CNTLN: variants seen among roughly 807,000 people sequenced by gnomAD.
CNTLN encodes the protein centlein, also known as centlein, centrosomal protein.
CNTLN carries 212 observed loss-of-function variants against 180.0 expected under a neutral mutation model. The ratio of observed to expected loss-of-function variants is 1.18; its 90% CI spans 1.05 to 1.32. The LOEUF (loss-of-function observed/expected upper bound fraction) is 1.32, where lower values mean the gene tolerates loss of function less well. Among genes scored for constraint, CNTLN ranks in the 40% most tolerant of loss-of-function variants. The pLI, the probability that CNTLN is intolerant of heterozygous loss-of-function variation, is 0.00. For missense variants in CNTLN, 2,095 were observed against 1,610.9 expected (o/e 1.30, Z -5.14); for synonymous variants, 722 against 563.1 (o/e 1.28, Z -3.99).
intron 2 of CNTLN, among the ~76,000 whole-genome samples, chr9:17,171,162 T>G (rs1411925237): frequency 1.3e-5 from 2 of 152,210 alleles, no homozygotes; most frequent in Non-Finnish European, 1.5e-5. Context: ...ATCTTTGGGA[T>G]TGGTTACTGG....
At chr9:17,300,094 A>AC in intron 7 of CNTLN, 1 of 152,222 alleles carries the variant, frequency 6.6e-6, no homozygotes, top group East Asian at 1.9e-4. Context: ...CCTTATCTGA[A>AC]GTGCTTGGAA....
intron 19 of CNTLN, among the ~76,000 whole-genome samples, chr9:17,458,651 T>C (rs1258586835): frequency 6.6e-6 from 1 of 151,928 alleles, no homozygotes; most frequent in Non-Finnish European, 1.5e-5. Flanking sequence ...GATTTACTCA[T>C]AGGATAAATA....
intron 18 of CNTLN, among the ~76,000 whole-genome samples, chr9:17,417,614 C>T (rs1828366564): frequency 6.6e-6 from 1 of 151,930 alleles, no homozygotes; most frequent in African/African-American, 2.4e-5. Context: ...AGAGTTGTTA[C>T]AAAAATTATT....
chr9:17,473,590 A>G (rs1480719828), intron 23 of CNTLN, among the ~76,000 whole-genome samples: 1 of 141,878 alleles, frequency 7.0e-6, no homozygotes, highest in African/African-American at 2.9e-5. Flanking sequence ...CACACCATTT[A>G]CCAAAAAAAA....
At chr9:17,466,615 T>C in intron 22 of CNTLN, 91 bp from the exon 23 acceptor site, 1 of 981,108 alleles carries the variant, frequency 1.0e-6, no homozygotes, top group Non-Finnish European at 1.5e-6. Flanking sequence ...GAGAGAATAA[T>C]AAAATATTTT....
At chr9:17,481,654 C>A (rs1290283282) in intron 23 of CNTLN, among the ~76,000 whole-genome samples, 1 of 152,294 alleles carries the variant, frequency 6.6e-6, no homozygotes, top group South Asian at 2.1e-4. Flanking sequence ...ATCCTGGATG[C>A]CCCCCAACTG....
chr9:17,366,240 C>G (rs989330608), intron 12 of CNTLN, among the ~76,000 whole-genome samples: 1 of 152,064 alleles, frequency 6.6e-6, no homozygotes, highest in African/African-American at 2.4e-5. Context: ...ATCCTGCTGC[C>G]TCAGCATCCC....
intron 5 of CNTLN, among the ~76,000 whole-genome samples, chr9:17,270,850 G>A (rs185249453): frequency 6.9e-4 from 105 of 151,142 alleles, no homozygotes; most frequent in African/African-American, 2.1e-3. Flanking sequence ...TAATATAGTC[G>A]CATGGCTCAA....
intron 23 of CNTLN, among the ~76,000 whole-genome samples, chr9:17,468,803 A>G (rs954430389): frequency 1.9e-4 from 29 of 151,848 alleles, no homozygotes; most frequent in African/African-American, 6.5e-4. Context: ...AATGATATAA[A>G]TAGTATTTAA....
intron 2 of CNTLN, among the ~76,000 whole-genome samples, chr9:17,179,428 C>G (rs1271525690): frequency 2.0e-5 from 3 of 152,052 alleles, no homozygotes; most frequent in African/African-American, 7.2e-5. Context: ...CTGTGAGACT[C>G]TCTGTATGAC....
chr9:17,501,795 T>C (rs1588125138), intron 25 of CNTLN, among the ~76,000 whole-genome samples: 1 of 152,184 alleles, frequency 6.6e-6, no homozygotes, highest in Admixed American at 6.5e-5. Flanking sequence ...AGAATAAGGA[T>C]AAGAGAAATT....
intron 5 of CNTLN, among the ~76,000 whole-genome samples, chr9:17,258,586 G>A (rs1266256309): frequency 4.6e-5 from 7 of 150,612 alleles, no homozygotes; most frequent in Admixed American, 6.6e-5. Flanking sequence ...CCATTTTCAC[G>A]ATATTGATTC....
chr9:17,443,520 T>C (rs1000062672), intron 18 of CNTLN, among the ~76,000 whole-genome samples: 2 of 152,170 alleles, frequency 1.3e-5, no homozygotes, highest in African/African-American at 4.8e-5. Flanking sequence ...GTATATATTC[T>C]AAAAGTATAA....
intron 18 of CNTLN, among the ~76,000 whole-genome samples, chr9:17,433,820 G>A (rs1829585872): frequency 6.6e-6 from 1 of 152,022 alleles, no homozygotes; most frequent in Admixed American, 6.5e-5. Flanking sequence ...GCCTCAAGCA[G>A]TCCTCTCACC....
At chr9:17,274,913 A>T (rs1828212239) in intron 6 of CNTLN, among the ~76,000 whole-genome samples, 1 of 152,126 alleles carries the variant, frequency 6.6e-6, no homozygotes, top group African/African-American at 2.4e-5. Flanking sequence ...ACCATTACTG[A>T]AGCCAATAAA....
At chr9:17,515,410 A>G in the CNTLN span, among the ~76,000 whole-genome samples, 7 of 152,240 alleles carry the variant, frequency 4.6e-5, no homozygotes, top group South Asian at 8.3e-4. Flanking sequence ...AGTACAATCT[A>G]TAAGCTGTCA....
intron 12 of CNTLN, among the ~76,000 whole-genome samples, chr9:17,345,551 T>G (rs1321305401): frequency 1.3e-5 from 2 of 151,838 alleles, no homozygotes; most frequent in Non-Finnish European, 2.9e-5. Flanking sequence ...TTTTTTAGTA[T>G]TTGCTCTTGG....
At chr9:17,521,486 CGAATTCACT>C in the CNTLN span, among the ~76,000 whole-genome samples, 1 of 152,136 alleles carries the variant, frequency 6.6e-6, no homozygotes, top group East Asian at 1.9e-4. Context: ...TTTTTTCCCC[CGAATTCACT>C]CTTGAGTATG....
At chr9:17,340,723 T>A (rs1036384800) in intron 10 of CNTLN, 104 bp from the exon 11 acceptor site, 2 of 920,274 alleles carry the variant, frequency 2.2e-6, no homozygotes, top group Non-Finnish European at 3.0e-6. Flanking sequence ...GTTTACACAC[T>A]ATTTTCTTTC....
Sources: gnomAD v4.1 joint callset for allele counts (sites outside exome capture counted in the v4.1 genomes callset) on GRCh38, gnomAD v4.1.1 for gene constraint, MANE v1.5 for transcripts, NCBI Gene and HGNC (gene_info 2026-07-23, HGNC 2026-07-21) for gene names.